The following TJP2 variants were observed in gnomAD, a reference collection of about 807,000 sequenced individuals.
TJP2 encodes the protein Friedreich ataxia region gene X104 (tight junction protein ZO-2).
In TJP2, 91 loss-of-function variants were observed where a neutral mutation model predicts 133.1. The ratio of observed to expected loss-of-function variants is 0.68; its 90% CI spans 0.58 to 0.81. The LOEUF (loss-of-function observed/expected upper bound fraction) is 0.81. TJP2 is among the 40% of genes least tolerant of loss of function. The probability of loss-of-function intolerance (pLI) is 0.00; values close to 1 mark genes in which losing one functional copy is unlikely to be tolerated. For synonymous variants in TJP2, 592 were observed against 583.4 expected (o/e 1.01, Z -0.21); for missense variants, 1,541 against 1,565.6 (o/e 0.98, Z 0.26).
chr9:69,140,315 A>G (rs895213588), intron 1 of TJP2, among the ~76,000 whole-genome samples: 3 of 152,178 alleles, frequency 2.0e-5, no homozygotes, highest in African/African-American at 7.2e-5. Flanking sequence ...AAACAACTCT[A>G]TGAGGTAGGC....
rs149659876 is a variant in TJP2, at chr9:69,248,064, T to A, written c.2720T>A (p.Met907Lys). Residue 907 changes from methionine (M) to lysine (K), a missense_variant, in exon 19 of 23, where the codon ATG (methionine) becomes AAG (lysine). By Grantham distance (95) the Met-to-Lys change is moderately conservative. Coordinates refer to ENST00000377245, the MANE Select transcript of TJP2 (RefSeq NM_004817.4). ...GACCGCATGTCCTACTTAACCGCCA[T>A]GGGCGCGGACTATCTGAGTTGCGAC... is the stretch of plus-strand genomic sequence containing the variant. ...PEDRMSYLTA[M>K]GADYLSCDSR... 6.2e-7 allele frequency: 1 copy of A among 1,614,000 alleles called. No homozygotes were observed. The highest frequency in any genetic ancestry group is 1.7e-5 in the Admixed American group (1 of 60,006).
At chr9:69,134,410 G>A (rs2133253390) in intron 1 of TJP2, among the ~76,000 whole-genome samples, 1 of 152,318 alleles carries the variant, frequency 6.6e-6, no homozygotes, top group African/African-American at 2.4e-5. Context: ...GGGAGAAATA[G>A]GAAGTTGGAA....
At chr9:69,121,553 G>T (rs916359076) in exon 1 of TJP2, 1 of 173,582 alleles carries the variant, frequency 5.8e-6, no homozygotes, top group Non-Finnish European at 1.1e-5. Flanking sequence ...CATTCCCGGG[G>T]AGCTTCCCGC....
At chr9:69,137,858 G>A (rs182946189) in intron 1 of TJP2, among the ~76,000 whole-genome samples, 2 of 151,902 alleles carry the variant, frequency 1.3e-5, no homozygotes, top group African/African-American at 4.8e-5. Context: ...TTTCTTTCTC[G>A]TGACAATGTG....
intron 2 of TJP2, among the ~76,000 whole-genome samples, chr9:69,213,395 G>A (rs1348550591): frequency 6.6e-6 from 1 of 152,008 alleles, no homozygotes; most frequent in Non-Finnish European, 1.5e-5. Context: ...GCTGCCTTCC[G>A]GTCATCATCA....
At chr9:69,204,819 T>A in intron 1 of TJP2, 1 of 1,079,050 alleles carries the variant, frequency 9.3e-7, no homozygotes, top group Non-Finnish European at 1.1e-6. Context: ...CTAAAGTGTC[T>A]CATTTACTCA....
Position 69,212,559 on chromosome 9 carries a change from G to A in TJP2, c.72G>A (p.Met24Ile), listed in dbSNP as rs749602312. Residue 24 changes from methionine (M) to isoleucine (I), a missense_variant, in exon 2 of 23, where the codon ATG becomes ATA. Transcript: ENST00000377245. ...ELSGWLRAPG[M>I]EELIWEQYTV... ...TTCTTTTAAAACAGGCCCCAGGCATGGAAGAGCTGATATGGGAACAGTACA... is the reference window on the plus strand; with the variant it reads ...TTCTTTTAAAACAGGCCCCAGGCATAGAAGAGCTGATATGGGAACAGTACA... The A allele has an allele frequency of 6.2e-7, 1 of 1,613,110 alleles. No individual in the cohort carries two copies. The highest frequency in any genetic ancestry group is 1.3e-5 in the African/African-American group (1 of 74,898).
intron 1 of TJP2, among the ~76,000 whole-genome samples, chr9:69,200,794 C>G (rs1826931987): frequency 1.3e-5 from 2 of 152,186 alleles, no homozygotes; most frequent in African/African-American, 4.8e-5. Flanking sequence ...GCTTGTTTCC[C>G]ACCCCAGGGC....
In TJP2 at chr9:69,174,307, T is replaced by TAGGAGCAGGAGC. The variant is rs930539390; in HGVS notation, c.-63_-52dup. ...ACTGTCCGGTGGTGCCCAGGAGGAG[T>TAGGAGCAGGAGC]AGGAGCAGGAGCAGAAGCAGAAGCG... On this transcript the variant is annotated 5_prime_UTR_variant, in exon 1 of 23. Transcript: ENST00000377245. 4.5e-6 allele frequency: 7 copies of TAGGAGCAGGAGC among 1,547,816 alleles called. No individual in the cohort carries two copies. The African/African-American group carries it at 6.9e-5, about 15-fold the overall frequency.
chr9:69,161,264 T>C (rs1824056378), intron 2 of TJP2, among the ~76,000 whole-genome samples: 1 of 151,870 alleles, frequency 6.6e-6, no homozygotes, highest in African/African-American at 2.4e-5. Flanking sequence ...GTTTCGCTCT[T>C]GTTGCCCAGG....
rs1305643387 is a variant in TJP2, at chr9:69,168,809, AAAAAAAAG to A, written c.-10+17045_-10+17052del. On this transcript the variant is annotated intron_variant, in intron 2 of 5. Coordinates refer to the TJP2 transcript ENST00000423935. Reference sequence around the variant, plus strand: ...AAGCGCGAAACTGTCTCAAAAAAAAAAAAAAAAGAAAAAAGAAAGTAATATATAATAAC... The same window carrying A: ...AAGCGCGAAACTGTCTCAAAAAAAAAAAAAAAGAAAGTAATATATAATAAC... Among the ~76,000 whole-genome samples, 1,311 of 151,306 alleles carry A rather than the reference AAAAAAAAG, an allele frequency of 8.7e-3. 23 individuals are homozygous for A. Among genetic ancestry groups the A allele is most frequent in the African/African-American group, 0.03 (1,209 of 40,792 alleles).
At chr9:69,166,018 C>T (rs1564394878) in intron 2 of TJP2, among the ~76,000 whole-genome samples, 2 of 152,224 alleles carry the variant, frequency 1.3e-5, no homozygotes, top group Admixed American at 6.5e-5. Context: ...ACAGTCATCT[C>T]CTTCCAACCC....
intron 1 of TJP2, among the ~76,000 whole-genome samples, chr9:69,143,563 A>G (rs1008104214): frequency 6.6e-6 from 1 of 152,250 alleles, no homozygotes; most frequent in Non-Finnish European, 1.5e-5. Context: ...ACTGGTACTA[A>G]TTGTTTGCAG....
intron 2 of TJP2, among the ~76,000 whole-genome samples, chr9:69,165,609 T>C (rs1182679616): frequency 6.6e-6 from 1 of 152,238 alleles, no homozygotes; most frequent in Non-Finnish European, 1.5e-5. Context: ...AGTCAATCAT[T>C]GTTTATCAGA....
exon 2 of TJP2, chr9:69,151,753 A>G: frequency 8.1e-7 from 1 of 1,232,176 alleles, no homozygotes; most frequent in Non-Finnish European, 1.0e-6. Flanking sequence ...CTGTACCAGT[A>G]CACGGCCCAC....
intron 1 of TJP2, among the ~76,000 whole-genome samples, chr9:69,175,554 G>T (rs969621169): frequency 5.3e-5 from 8 of 152,202 alleles, no homozygotes; most frequent in Admixed American, 2.6e-4. Flanking sequence ...TGCATATCCT[G>T]CTTGAGAGGA....
intron 1 of TJP2, among the ~76,000 whole-genome samples, chr9:69,185,881 C>CTTTTTT (rs34030534): frequency 1.5e-5 from 2 of 135,432 alleles, no homozygotes; most frequent in African/African-American, 2.7e-5. Flanking sequence ...TAATGTAGTC[C>CTTTTTT]TTTTTTTTTT....
rs146337141 is a variant in TJP2 at position 69,168,989 on chromosome 9, A to C, written c.-10+17218A>C. ...TTGTTAACTGGTGTTTGGACTGAGGAAGATGGGTGGAGCCAGGAGAGGAGA... is the reference window on the plus strand; with the variant it reads ...TTGTTAACTGGTGTTTGGACTGAGGCAGATGGGTGGAGCCAGGAGAGGAGA... On this transcript the variant is annotated intron_variant, in intron 2 of 5. Transcript: ENST00000423935. Among the ~76,000 whole-genome samples the C allele has an allele frequency of 3.4e-3, 515 of 151,478 alleles. 8 individuals are homozygous for C. Among genetic ancestry groups the C allele is most frequent in the East Asian group, 0.016 (81 of 5,142 alleles).
intron 1 of TJP2, among the ~76,000 whole-genome samples, chr9:69,195,622 A>G (rs56312702): frequency 0.38 from 57,415 of 151,720 alleles, 11,066 homozygotes; most frequent in South Asian, 0.44. Context: ...TAGCCATAAA[A>G]TACTTAGCAC....
Sources: allele counts gnomAD v4.1 joint callset (sites outside exome capture counted in the v4.1 genomes callset), GRCh38; gene constraint gnomAD v4.1.1; transcripts MANE v1.5; gene names NCBI Gene and HGNC (gene_info 2026-07-23, HGNC 2026-07-21).